MIAT: variants seen among roughly 807,000 people sequenced by gnomAD.
The protein encoded by MIAT is MI related novel mRNA.
At chr22:26,661,044 C>T (rs192869215) in intron 2 of MIAT, among the ~76,000 whole-genome samples, 1 of 152,234 alleles carries the variant, frequency 6.6e-6, no homozygotes, top group Non-Finnish European at 1.5e-5. Flanking sequence ...TTATGTAGCC[C>T]CTGAGTCTTG....
intron 2 of MIAT, chr22:26,660,747 C>G (rs1930634414): frequency 1.3e-5 from 2 of 152,178 alleles, no homozygotes; most frequent in Admixed American, 1.3e-4. Context: ...CAGGATTACA[C>G]TCTTTGAATT....
In MIAT at chr22:26,658,647, TG is replaced by T. The variant is rs1439896017; in HGVS notation, n.647-4663del. 1.4e-4 allele frequency among the ~76,000 whole-genome samples: 22 copies of T among 152,244 alleles called. 2 individuals are homozygous for T. In the East Asian group the frequency reaches 3.1e-3, roughly 21 times the overall value. Reference sequence around the variant, plus strand: ...TTCTGGGATTGTGCAGGAGGAGGCCTGGGGGGCGCGCCCTGGATTCCCCACC... The same window carrying T: ...TTCTGGGATTGTGCAGGAGGAGGCCTGGGGGCGCGCCCTGGATTCCCCACC... On this transcript the variant is annotated intron_variant and non_coding_transcript_variant, in intron 2 of 5. Transcript: ENST00000643270.
downstream of MIAT, chr22:26,673,012 G>T (rs1931112276): frequency 5.0e-6 from 2 of 398,516 alleles, no homozygotes; most frequent in Non-Finnish European, 8.8e-6. Context: ...GGCCGTGACC[G>T]GAAGTCCTTG....
chr22:26,660,992 G>A lies in MIAT; in HGVS notation n.647-2324G>A, dbSNP rs117856784. ...GCCCTGTAGGTGCTTACTAAAGCTAGTGAATGTTATCGTGCACCCACTGGG... is the reference window on the plus strand; with the variant it reads ...GCCCTGTAGGTGCTTACTAAAGCTAATGAATGTTATCGTGCACCCACTGGG... On this transcript the variant is annotated intron_variant and non_coding_transcript_variant, in intron 2 of 5. Transcript: ENST00000643270. 3.5e-4 allele frequency among the ~76,000 whole-genome samples: 53 copies of A among 152,360 alleles called. No homozygotes were observed. In the East Asian group the frequency reaches 9.4e-3, roughly 27 times the overall value.
At chr22:26,667,309 G>C (rs1482167223) in exon 5 of MIAT, 4 of 396,026 alleles carry the variant, frequency 1.0e-5, no homozygotes, top group Non-Finnish European at 1.8e-5. Context: ...CTCGGCAAGG[G>C]GGTGAGCTCC....
At chr22:26,657,501 G>T (rs1001903288) in intron 2 of MIAT, 5 of 398,560 alleles carry the variant, frequency 1.3e-5, no homozygotes, top group African/African-American at 1.0e-4. Flanking sequence ...AGACGACGCC[G>T]GCTGCGCTCG....
exon 1 of MIAT, chr22:26,646,519 C>T (rs1602351533): frequency 1.0e-5 from 4 of 398,804 alleles, no homozygotes; most frequent in East Asian, 7.1e-5. Context: ...CAGAAGGTGT[C>T]GTGGGACAGG....
chr22:26,671,105 T>C (rs938985263), downstream of MIAT: 22 of 398,140 alleles, frequency 5.5e-5, no homozygotes, highest in South Asian at 1.3e-4. Context: ...TCTGTCAGAG[T>C]GTAACAGGAT....
chr22:26,646,805 A>C (rs1253374240), exon 1 of MIAT: 3 of 398,500 alleles, frequency 7.5e-6, no homozygotes, highest in Non-Finnish European at 1.3e-5. Context: ...TGTTTGTACT[A>C]TGAGGAATAA....
downstream of MIAT, chr22:26,672,394 T>C (rs1230935142): frequency 7.5e-6 from 3 of 399,212 alleles, no homozygotes; most frequent in Non-Finnish European, 1.3e-5. Flanking sequence ...GATGGCCCTA[T>C]TAACAAGACT....
At chr22:26,673,150 T>G (rs1931124434), downstream of MIAT, 1 of 398,460 alleles carries the variant, frequency 2.5e-6, no homozygotes, top group Non-Finnish European at 4.4e-6. Context: ...GAGCAAGAAG[T>G]GAACCTCAGG....
chr22:26,667,378 CTG>C (rs370134857), intron 5 of MIAT: 31,764 of 376,520 alleles, frequency 0.084, 1,440 homozygotes, highest in South Asian at 0.11. Context: ...GTGTGCATGC[CTG>C]TGTGTGTGTG....
At chr22:26,654,708 T>G (rs1047369355) in intron 2 of MIAT, among the ~76,000 whole-genome samples, 3 of 152,066 alleles carry the variant, frequency 2.0e-5, no homozygotes, top group Non-Finnish European at 4.4e-5. Flanking sequence ...ATTTATTTAT[T>G]TATTTATTTT....
At chr22:26,648,675 G>A (rs942362174) in intron 2 of MIAT, among the ~76,000 whole-genome samples, 1 of 151,764 alleles carries the variant, frequency 6.6e-6, no homozygotes, top group Non-Finnish European at 1.5e-5. Context: ...TGCCGCTAAT[G>A]TAGTAGAGTA....
intron 2 of MIAT, among the ~76,000 whole-genome samples, chr22:26,648,576 TAATGGAA>T (rs1930280784): frequency 6.6e-6 from 1 of 150,878 alleles, no homozygotes; most frequent in Admixed American, 6.6e-5. Context: ...TTTTTTGTCT[TAATGGAA>T]AATGGGTCAT....
At chr22:26,662,059 C>T (rs950195658) in intron 2 of MIAT, among the ~76,000 whole-genome samples, 6 of 150,898 alleles carry the variant, frequency 4.0e-5, no homozygotes, top group Admixed American at 1.3e-4. Flanking sequence ...TGGGTTAAAG[C>T]GGTCCTCCTG....
downstream of MIAT, chr22:26,672,264 G>T: frequency 2.5e-6 from 1 of 399,090 alleles, no homozygotes; most frequent in Non-Finnish European, 4.4e-6. Flanking sequence ...CCGGGGGCTG[G>T]TCCCCCTCCT....
intron 3 of MIAT, among the ~76,000 whole-genome samples, chr22:26,664,469 G>C (rs1192259715): frequency 6.6e-6 from 1 of 152,068 alleles, no homozygotes; most frequent in Non-Finnish European, 1.5e-5. Flanking sequence ...GAACAGTTCG[G>C]TTACCCCAGT....
chr22:26,650,102 GACT>G (rs1051113222), intron 2 of MIAT: 8 of 152,184 alleles, frequency 5.3e-5, no homozygotes, highest in African/African-American at 1.9e-4. Context: ...CCCCCAATGT[GACT>G]ACATTGGAAG....
Sources: allele counts gnomAD v4.1 joint callset (sites outside exome capture counted in the v4.1 genomes callset), GRCh38; gene constraint gnomAD v4.1.1; transcripts MANE v1.5; gene names NCBI Gene and HGNC (gene_info 2026-07-23, HGNC 2026-07-21).